Variants in ARHGEF4 observed in about 807,000 individuals in gnomAD.
ARHGEF4 encodes APC-stimulated guanine nucleotide exchange factor 1.
Under a neutral mutation model 162.0 loss-of-function variants are expected in ARHGEF4, and 119 were observed. That is an observed-to-expected ratio of 0.73 (90% CI 0.63 to 0.86). The LOEUF (loss-of-function observed/expected upper bound fraction) is 0.86. Among genes scored for constraint, ARHGEF4 ranks in the 40% least tolerant of loss-of-function variants. The pLI is 0.00. For missense variants in ARHGEF4, 2,488 were observed against 2,456.0 expected, an observed-to-expected ratio of 1.01 and a Z score of -0.28; for synonymous variants, 1,014 against 979.9, an observed-to-expected ratio of 1.03 and a Z score of -0.65.
chr2:130,942,561 CA>C (rs1040008390), intron 3 of ARHGEF4, among the ~76,000 whole-genome samples: 1 of 152,046 alleles, frequency 6.6e-6, no homozygotes, highest in Admixed American at 6.5e-5. Flanking sequence ...TGAAAAGAAG[CA>C]AGTAATAATA....
At chr2:130,907,707 A>G (rs1680914184) in intron 1 of ARHGEF4, among the ~76,000 whole-genome samples, 1 of 151,838 alleles carries the variant, frequency 6.6e-6, no homozygotes. Flanking sequence ...TAATCCCAGC[A>G]CTTTGGGAGG....
At chr2:131,045,986 G>T in intron 13 of ARHGEF4, 52 bp from the exon 14 acceptor site, 3 of 1,570,854 alleles carry the variant, frequency 1.9e-6, no homozygotes, top group Non-Finnish European at 2.6e-6. Context: ...AACAGCTGGG[G>T]TGGCACTCTG....
intron 4 of ARHGEF4, among the ~76,000 whole-genome samples, chr2:130,999,160 C>CT (rs1249587118): frequency 0.045 from 6,073 of 135,838 alleles, 148 homozygotes; most frequent in Non-Finnish European, 0.055. Context: ...TTTGTTTTTT[C>CT]TTTTTTTTTT....
chr2:131,039,829 A>G (rs2105405103), intron 6 of ARHGEF4, 187 bp from the exon 7 acceptor site: 3 of 1,410,088 alleles, frequency 2.1e-6, no homozygotes, highest in Non-Finnish European at 2.7e-6. Context: ...CGGGCGTCGG[A>G]GTCGTCATTC....
At chr2:131,000,295 A>G (rs1287298879) in intron 4 of ARHGEF4, among the ~76,000 whole-genome samples, 3 of 152,182 alleles carry the variant, frequency 2.0e-5, no homozygotes, top group Admixed American at 2.0e-4. Context: ...ACCCCTATTT[A>G]AGTATGATAC....
At chr2:131,024,388 G>A (rs1365268077) in intron 4 of ARHGEF4, among the ~76,000 whole-genome samples, 1 of 145,156 alleles carries the variant, frequency 6.9e-6, no homozygotes, top group South Asian at 2.3e-4. Flanking sequence ...CAGTTCTCCT[G>A]CCTCAGCCTC....
chr2:130,936,612 G>A (rs1455260015), intron 3 of ARHGEF4, among the ~76,000 whole-genome samples: 1 of 151,878 alleles, frequency 6.6e-6, no homozygotes, highest in Non-Finnish European at 1.5e-5. Context: ...ACTGCCTCTG[G>A]CCTCCTTGGT....
intron 1 of ARHGEF4, among the ~76,000 whole-genome samples, chr2:130,838,330 G>A (rs111739002): frequency 0.013 from 2,009 of 152,262 alleles, 49 homozygotes; most frequent in African/African-American, 0.045. Context: ...GGCCCGGCGC[G>A]GTGGCTCATG....
intron 1 of ARHGEF4, among the ~76,000 whole-genome samples, chr2:130,855,884 A>G (rs1264923261): frequency 6.6e-6 from 1 of 152,202 alleles, no homozygotes; most frequent in African/African-American, 2.4e-5. Context: ...AATATCAACA[A>G]CCCACAGGAC....
At chr2:130,954,655 T>C (rs867006564) in intron 4 of ARHGEF4, among the ~76,000 whole-genome samples, 5 of 152,356 alleles carry the variant, frequency 3.3e-5, no homozygotes, top group Middle Eastern at 3.4e-3. Context: ...TTGTTAATCA[T>C]ATTGAAGAAG....
At position 130,914,958 on chromosome 2, in the gene ARHGEF4, C is replaced by T; in HGVS notation, c.1012C>T (p.His338Tyr). ...CGHMRALVRAHSIAGFSPECP... is the reference protein window; with the variant it reads ...CGHMRALVRAYSIAGFSPECP... ...GCACATGAGGGCACTGGTCAGGGCC[C>T]ATTCCATAGCAGGGTTTTCACCAGA... The change falls in exon 2 of 14, where the codon CAT (histidine) becomes TAT (tyrosine). Residue 338 changes from histidine to tyrosine, a missense_variant. His to Tyr is a moderately conservative substitution (Grantham distance 83). Coordinates refer to ENST00000409359, the MANE Select transcript of ARHGEF4 (RefSeq NM_001367493.1). 1.9e-6 allele frequency: 3 copies of T among 1,549,836 alleles called. No homozygotes were observed. The highest frequency in any genetic ancestry group is 1.7e-6 in the Non-Finnish European group (2 of 1,146,580).
chr2:130,844,917 G>A (rs543121719), intron 1 of ARHGEF4, among the ~76,000 whole-genome samples: 25 of 151,836 alleles, frequency 1.6e-4, no homozygotes, highest in African/African-American at 2.2e-4. Context: ...CTCCACCTCC[G>A]GGTTCAAGTG....
chr2:130,883,419 A>G (rs1679316989), intron 1 of ARHGEF4, among the ~76,000 whole-genome samples: 1 of 152,100 alleles, frequency 6.6e-6, no homozygotes, highest in Non-Finnish European at 1.5e-5. Context: ...CTGTGTGTAT[A>G]AGCTCAGAAT....
intron 1 of ARHGEF4, among the ~76,000 whole-genome samples, chr2:130,908,005 T>C (rs1008600707): frequency 2.0e-5 from 3 of 152,136 alleles, no homozygotes; most frequent in African/African-American, 7.2e-5. Context: ...GTATAATTTT[T>C]CCATTCACTT....
At chr2:131,045,632 T>C in intron 13 of ARHGEF4, 186 bp downstream of exon 13, 2 of 1,536,162 alleles carry the variant, frequency 1.3e-6, no homozygotes, top group Non-Finnish European at 1.8e-6. Flanking sequence ...GGTCAGTATA[T>C]GGTTGACATT....
rs1681383780 is a variant in ARHGEF4, at chr2:130,914,732, A to C, written c.786A>C (p.Thr262=). The C allele has an allele frequency of 7.0e-7, 1 of 1,420,098 alleles. No homozygotes were observed. Among genetic ancestry groups the C allele is most frequent in the Non-Finnish European group, 9.1e-7 (1 of 1,093,156 alleles). 88.0% of individuals were successfully genotyped at this position (1,420,098 alleles called of 1,614,324 possible). The change falls in exon 2 of 14, where the codon ACA becomes ACC. Residue 262 remains threonine (T), a synonymous_variant. Coordinates refer to ENST00000409359, the MANE Select transcript of ARHGEF4 (RefSeq NM_001367493.1). ...CTAGCAGAGGCCCACTGGACAACAC[A>C]GCCCCTCTGGGGACCAGGACAAAGA... ...VLPSRGPLDN[T]APLGTRTKKE... is the part of the protein sequence containing the mutation.
Position 131,027,542 on chromosome 2 carries a change from T to C in ARHGEF4, c.3986-403T>C, listed in dbSNP as rs1689559877. Among the ~76,000 whole-genome samples the C allele has an allele frequency of 2.0e-5, 3 of 152,356 alleles. No individual in the cohort carries two copies. The South Asian group carries it at 6.2e-4, about 32-fold the overall frequency. On this transcript the variant is annotated intron_variant, in intron 4 of 13. Coordinates refer to ENST00000409359, the MANE Select transcript of ARHGEF4 (RefSeq NM_001367493.1). ...AACCATATTTGCATGTATGTAACTA[T>C]GTTTTCTTTGAATACACACATATAT... is the stretch of plus-strand genomic sequence containing the variant.
intron 1 of ARHGEF4, among the ~76,000 whole-genome samples, chr2:130,903,958 G>A (rs984999196): frequency 6.6e-6 from 1 of 152,128 alleles, no homozygotes; most frequent in Admixed American, 6.5e-5. Flanking sequence ...CCATGTCTTT[G>A]CTATTGTGAA....
chr2:130,891,186 C>T (rs1183243221), intron 1 of ARHGEF4, among the ~76,000 whole-genome samples: 2 of 152,174 alleles, frequency 1.3e-5, no homozygotes, highest in Non-Finnish European at 2.9e-5. Context: ...GTCTCTGATA[C>T]ATCCCTGTGA....
Sources: allele counts gnomAD v4.1 joint callset (sites outside exome capture counted in the v4.1 genomes callset), GRCh38; gene constraint gnomAD v4.1.1; transcripts MANE v1.5; gene names NCBI Gene and HGNC (gene_info 2026-07-23, HGNC 2026-07-21).